Variants in CC2D2B observed in about 807,000 individuals in gnomAD.
The protein encoded by CC2D2B is protein CC2D2B.
In CC2D2B, 128 loss-of-function variants were observed where a neutral mutation model predicts 161.2. That is an observed-to-expected ratio of 0.79 (90% confidence interval 0.69 to 0.92). The LOEUF is 0.92. CC2D2B is among the 40% of genes least tolerant of loss of function. The pLI is 0.00. For missense variants in CC2D2B, 1,173 were observed against 1,375.1 expected, an observed-to-expected ratio of 0.85 and a Z score of 2.32; for synonymous variants, 391 against 449.8, an observed-to-expected ratio of 0.87 and a Z score of 1.65.
Position 96,000,236 on chromosome 10 carries a change from C to T in CC2D2B, c.2850-3916C>T, listed in dbSNP as rs755052222. 1.7e-5 allele frequency: 21 copies of T among 1,235,686 alleles called. No homozygotes were observed. The East Asian group carries it at 2.7e-4, about 16-fold the overall frequency. The allele number at this position is 1,235,686 out of a possible 1,614,324, so 76.5% of individuals were successfully genotyped here. ...CAGGTGCCTTTCTTCTTTTCCTTTGCGTTCATCATTTTGGCGAATTACTGG... is the reference window on the plus strand; with the variant it reads ...CAGGTGCCTTTCTTCTTTTCCTTTGTGTTCATCATTTTGGCGAATTACTGG... On this transcript the variant is annotated intron_variant, in intron 24 of 34. Transcript: ENST00000646931.
chr10:95,952,333 T>A (rs2076430468), intron 10 of CC2D2B: 2 of 152,140 alleles, frequency 1.3e-5, no homozygotes. Context: ...CTTTAAAAAA[T>A]TGTACAAGTA....
At chr10:95,985,068 T>C (rs2077667089) in intron 19 of CC2D2B, among the ~76,000 whole-genome samples, 1 of 152,236 alleles carries the variant, frequency 6.6e-6, no homozygotes, top group African/African-American at 2.4e-5. Flanking sequence ...TACATAGGAA[T>C]ATATTTGACA....
At chr10:95,969,329 C>G (rs974526965) in intron 15 of CC2D2B, among the ~76,000 whole-genome samples, 1 of 151,962 alleles carries the variant, frequency 6.6e-6, no homozygotes, top group African/African-American at 2.4e-5. Context: ...TTAGATCCCT[C>G]TAAGAATCAG....
At chr10:96,014,964 A>G (rs1218389997) in intron 29 of CC2D2B, among the ~76,000 whole-genome samples, 1 of 152,206 alleles carries the variant, frequency 6.6e-6, no homozygotes, top group African/African-American at 2.4e-5. Context: ...AATGATTGGT[A>G]AATAGTCATT....
intron 1 of CC2D2B, among the ~76,000 whole-genome samples, chr10:95,908,608 T>C (rs2141076128): frequency 6.6e-6 from 1 of 152,128 alleles, no homozygotes; most frequent in African/African-American, 2.4e-5. Context: ...TGAGGGGTTA[T>C]GTTGGAGAGT....
chr10:95,940,095 T>A (rs1311938116), intron 9 of CC2D2B, among the ~76,000 whole-genome samples: 2 of 152,098 alleles, frequency 1.3e-5, no homozygotes, highest in Admixed American at 6.6e-5. Flanking sequence ...CTTGCAGTCA[T>A]GGTGGAGGGC....
intron 9 of CC2D2B, among the ~76,000 whole-genome samples, chr10:95,944,580 C>G (rs1312508740): frequency 2.6e-5 from 4 of 152,000 alleles, no homozygotes; most frequent in Non-Finnish European, 4.4e-5. Context: ...AGGAGAGAGG[C>G]CTTTGAAACA....
At chr10:95,933,675 C>G (rs2075693537) in intron 6 of CC2D2B, among the ~76,000 whole-genome samples, 1 of 152,192 alleles carries the variant, frequency 6.6e-6, no homozygotes, top group African/African-American at 2.4e-5. Context: ...TGGAGGTCCA[C>G]TCCAGACCCC....
intron 2 of CC2D2B, 107 bp from the exon 3 acceptor site, chr10:95,921,909 A>T: frequency 3.4e-6 from 2 of 595,554 alleles, no homozygotes; most frequent in South Asian, 5.0e-5. Context: ...ACAAACCTGC[A>T]TGTTGTGCAC....
chr10:95,928,098 G>A (rs961234342), intron 6 of CC2D2B, among the ~76,000 whole-genome samples: 2 of 151,648 alleles, frequency 1.3e-5, no homozygotes, highest in African/African-American at 4.8e-5. Flanking sequence ...GATCCCTCAG[G>A]TCCCCCTGTC....
chr10:95,926,481 T>G (rs2098538669), intron 5 of CC2D2B, among the ~76,000 whole-genome samples: 1 of 151,804 alleles, frequency 6.6e-6, no homozygotes, highest in Admixed American at 6.6e-5. Context: ...GATAAGCTTT[T>G]ATCTTACAAG....
intron 30 of CC2D2B, chr10:96,018,986 T>C: frequency 2.6e-6 from 1 of 382,632 alleles, no homozygotes; most frequent in Non-Finnish European, 4.6e-6. Flanking sequence ...AAATTTTTTG[T>C]GATAGATACA....
intron 5 of CC2D2B, 63 bp from the exon 6 acceptor site, chr10:95,927,174 T>G: frequency 1.1e-6 from 1 of 902,426 alleles, no homozygotes; most frequent in Non-Finnish European, 1.7e-6. Context: ...TACAGAAAAC[T>G]ATTTCCTTTA....
chr10:95,923,015 T>C (rs1014230621), intron 3 of CC2D2B, among the ~76,000 whole-genome samples: 6 of 151,810 alleles, frequency 4.0e-5, no homozygotes, highest in Admixed American at 2.0e-4. Flanking sequence ...TGCAATGGCG[T>C]GATCTCGGCT....
chr10:95,950,152 G>GA (rs2076350223), intron 10 of CC2D2B, 47 bp downstream of exon 10: 4 of 398,166 alleles, frequency 1.0e-5, no homozygotes, highest in Non-Finnish European at 1.8e-5. Flanking sequence ...TATTGAAAAA[G>GA]AAAAAATTCC....
chr10:95,910,271 C>G (rs926074394), intron 1 of CC2D2B, among the ~76,000 whole-genome samples: 2 of 152,170 alleles, frequency 1.3e-5, no homozygotes, highest in Non-Finnish European at 2.9e-5. Context: ...TGTATTAGGC[C>G]ATTCTTGCGT....
intron 19 of CC2D2B, among the ~76,000 whole-genome samples, chr10:95,986,119 T>A (rs972539779): frequency 4.0e-5 from 6 of 151,688 alleles, no homozygotes; most frequent in African/African-American, 1.5e-4. Context: ...GTGAAGCATG[T>A]GACCTCTGTG....
chr10:95,946,206 A>C (rs527414740), intron 9 of CC2D2B, among the ~76,000 whole-genome samples: 11 of 152,222 alleles, frequency 7.2e-5, no homozygotes, highest in Non-Finnish European at 1.3e-4. Flanking sequence ...CACCTCCTCA[A>C]ATGTTTGAAG....
At chr10:95,939,118 C>T (rs12221469) in intron 9 of CC2D2B, among the ~76,000 whole-genome samples, 193 bp downstream of exon 9, 18,535 of 151,820 alleles carry the variant, frequency 0.12, 1,924 homozygotes, top group African/African-American at 0.27. Flanking sequence ...GGGAAATGCT[C>T]AAAATAAAAT....
Sources: allele counts gnomAD v4.1 joint callset (sites outside exome capture counted in the v4.1 genomes callset), GRCh38; gene constraint gnomAD v4.1.1; transcripts MANE v1.5; gene names NCBI Gene and HGNC (gene_info 2026-07-23, HGNC 2026-07-21).